The following GREB1 variants were observed in gnomAD, a reference collection of about 807,000 sequenced individuals.
GREB1 encodes the protein protein GREB1.
GREB1 carries 106 observed loss-of-function variants against 200.7 expected under a neutral mutation model. That is an observed-to-expected ratio of 0.53 (90% CI 0.45 to 0.62). The LOEUF is 0.62. Ranked by LOEUF, GREB1 falls within the 20% of genes least tolerant of loss-of-function variation. GREB1 has a pLI of 0.00. For synonymous variants in GREB1, 1,132 were observed against 1,092.4 expected (o/e 1.04, Z -0.72); for missense variants, 2,243 against 2,556.8 (o/e 0.88, Z 2.65).
chr2:11,593,513 G>A (rs2148189897), intron 11 of GREB1, among the ~76,000 whole-genome samples: 1 of 152,278 alleles, frequency 6.6e-6, no homozygotes, highest in Admixed American at 6.5e-5. Context: ...TTGAGACAAG[G>A]TCTCACTCTG....
In GREB1 at chr2:11,600,835, C is replaced by T. The variant is rs76644468; in HGVS notation, c.2369C>T (p.Pro790Leu). ...CATAACCTCTATTCTCAAAGTGACC[C>T]GTCGGTGGGATTGGTGGACCGATTG... ...TVHNLYSQSD[P>L]SVGLVDRLLN... The change falls in exon 16 of 33, where the codon CCG becomes CTG. Residue 790 changes from proline (P) to leucine (L), a missense_variant. Transcript: ENST00000381486. The T allele has an allele frequency of 0.042, 67,270 of 1,613,812 alleles. 1,836 individuals are homozygous for T. Among genetic ancestry groups the T allele is most frequent in the Admixed American group, 0.12 (7,031 of 59,998 alleles).
At chr2:11,595,595 G>A (rs1681138367) in intron 12 of GREB1, among the ~76,000 whole-genome samples, 1 of 152,144 alleles carries the variant, frequency 6.6e-6, no homozygotes, top group Admixed American at 6.5e-5. Context: ...TTGAGCTGTA[G>A]AGTTCTCCTG....
chr2:11,596,087 A>G (rs1209928691), intron 12 of GREB1, 24 bp from the exon 13 acceptor site: 1 of 1,603,892 alleles, frequency 6.2e-7, no homozygotes, highest in Non-Finnish European at 8.5e-7. Context: ...TCAAAAACCC[A>G]TTTGTTTATT....
At chr2:11,547,392 A>C (rs922995889) in intron 1 of GREB1, among the ~76,000 whole-genome samples, 26 of 152,210 alleles carry the variant, frequency 1.7e-4, no homozygotes, top group African/African-American at 6.0e-4. Flanking sequence ...ATGGGATAAA[A>C]GTAGGGAGAG....
At chr2:11,636,738 G>A (rs887242220) in intron 30 of GREB1, among the ~76,000 whole-genome samples, 17 of 90,646 alleles carry the variant, frequency 1.9e-4, no homozygotes, top group African/African-American at 5.2e-4. Context: ...GCAGGGGTAA[G>A]GGCATGGGCA....
intron 1 of GREB1, among the ~76,000 whole-genome samples, chr2:11,537,927 C>T (rs1674373712): frequency 1.3e-5 from 2 of 152,008 alleles, no homozygotes; most frequent in Admixed American, 6.6e-5. Flanking sequence ...CATTGACAAA[C>T]TCTTCATGCA....
chr2:11,514,166 A>T (rs2148455963), intron 1 of GREB1, among the ~76,000 whole-genome samples: 1 of 152,360 alleles, frequency 6.6e-6, no homozygotes, highest in Non-Finnish European at 1.5e-5. Context: ...AATCCCAGGA[A>T]GCAGGAAATA....
chr2:11,587,919 T>C, intron 9 of GREB1: 1 of 995,892 alleles, frequency 1.0e-6, no homozygotes, highest in Non-Finnish European at 1.2e-6. Flanking sequence ...CTCTGAGGGC[T>C]GTCCTCAGAA....
chr2:11,592,704 C>T (rs1184594257), intron 10 of GREB1, 72 bp from the exon 11 acceptor site: 4 of 1,008,700 alleles, frequency 4.0e-6, no homozygotes, highest in Non-Finnish European at 4.1e-6. Context: ...GGTACTTTCA[C>T]ATCACTGCAC....
chr2:11,621,327 T>A (rs1261882058), intron 23 of GREB1, among the ~76,000 whole-genome samples: 1 of 152,204 alleles, frequency 6.6e-6, no homozygotes, highest in Admixed American at 6.5e-5. Context: ...ATTCTCCTGA[T>A]AAATCACATG....
chr2:11,605,144 CTTT>C (rs3035991), intron 17 of GREB1, among the ~76,000 whole-genome samples: 962 of 44,576 alleles, frequency 0.022, 1 homozygote, highest in African/African-American at 0.052. Context: ...GAGCCTGCTT[CTTT>C]TTTTTTTTTT....
At chr2:11,589,471 G>A (rs1480786758) in intron 10 of GREB1, among the ~76,000 whole-genome samples, 1 of 152,160 alleles carries the variant, frequency 6.6e-6, no homozygotes, top group Non-Finnish European at 1.5e-5. Flanking sequence ...CCCAGTCGCT[G>A]GAGAGGCCAG....
rs958070270 is a variant in GREB1 at position 11,633,641 on chromosome 2, T to C, written c.4992-490T>C. Among the ~76,000 whole-genome samples, 1 of 151,816 alleles carries C rather than the reference T, an allele frequency of 6.6e-6. No individual in the cohort carries two copies. The highest frequency in any genetic ancestry group is 2.4e-5 in the African/African-American group (1 of 41,300). ...CACACTATCCATTTAGTATAATATATAGACAAAAAAGAAAGTATAATACAT... is the reference window on the plus strand; with the variant it reads ...CACACTATCCATTTAGTATAATATACAGACAAAAAAGAAAGTATAATACAT... On this transcript the variant is annotated intron_variant, in intron 28 of 32. Coordinates refer to ENST00000381486, the MANE Select transcript of GREB1 (RefSeq NM_014668.4). The surrounding 1 kb of genome is among the most constrained non-coding windows in gnomAD (Gnocchi z 4.1).
chr2:11,576,810 G>A (rs1678909013), intron 5 of GREB1, among the ~76,000 whole-genome samples: 1 of 151,830 alleles, frequency 6.6e-6, no homozygotes, highest in Admixed American at 6.6e-5. Flanking sequence ...CTGAGGTGAG[G>A]GGATCACTTG....
rs1672822061 is a variant in GREB1, at chr2:11,493,866, C to T, written c.-159+11485C>T. Reference sequence around the variant, plus strand: ...CAGAGATGTAAGGTATTGCTGTTATCCTTACAAATGGCTACAGACATGAGA... The same window carrying T: ...CAGAGATGTAAGGTATTGCTGTTATTCTTACAAATGGCTACAGACATGAGA... On this transcript the variant is annotated intron_variant, in intron 1 of 2. Transcript: ENST00000628795. The surrounding 1 kb of genome is among the most constrained non-coding windows in gnomAD (Gnocchi z 4.6). 6.6e-6 allele frequency among the ~76,000 whole-genome samples: 1 copy of T among 152,232 alleles called. No individual in the cohort carries two copies. Among genetic ancestry groups the T allele is most frequent in the Middle Eastern group, 3.4e-3 (1 of 294 alleles).
intron 2 of GREB1, among the ~76,000 whole-genome samples, chr2:11,558,170 T>C (rs887000585): frequency 6.6e-6 from 1 of 152,206 alleles, no homozygotes; most frequent in Non-Finnish European, 1.5e-5. Flanking sequence ...TGAGCAGCAG[T>C]TGCATACTCA....
intron 17 of GREB1, among the ~76,000 whole-genome samples, chr2:11,607,485 T>C (rs1018537910): frequency 1.4e-4 from 19 of 139,608 alleles, no homozygotes; most frequent in African/African-American, 5.0e-4. Flanking sequence ...CACACATACA[T>C]ATATATACAC....
rs1673316841 is a variant in GREB1, at chr2:11,510,421, C to T, written c.-159+28040C>T. The stretch of plus-strand genomic sequence containing the variant: ...CACAATTGCCAGTCACTGCTAAGAT[C>T]CATGATTTCATTAGGGGTTGTAAAA... On this transcript the variant is annotated intron_variant, in intron 1 of 2. Coordinates refer to the GREB1 transcript ENST00000628795. 2.0e-5 allele frequency among the ~76,000 whole-genome samples: 3 copies of T among 152,168 alleles called. No homozygotes were observed. The South Asian group carries it at 6.2e-4, about 32-fold the overall frequency.
At chr2:11,612,460 C>A in intron 18 of GREB1, 35 bp from the exon 19 acceptor site, 1 of 1,540,206 alleles carries the variant, frequency 6.5e-7, no homozygotes, top group Non-Finnish European at 9.0e-7. Context: ...GGAAGGGAGG[C>A]GTCTGTGGCT....
Sources: allele counts gnomAD v4.1 joint callset (sites outside exome capture counted in the v4.1 genomes callset), GRCh38; gene constraint gnomAD v4.1.1; non-coding constraint Gnocchi (gnomAD v3.1); transcripts MANE v1.5; gene names NCBI Gene and HGNC (gene_info 2026-07-23, HGNC 2026-07-21).